SLC6A5: variants seen among roughly 807,000 people sequenced by gnomAD.
SLC6A5 encodes solute carrier family 6 member 5.
SLC6A5 carries 58 observed loss-of-function variants against 90.5 expected under a neutral mutation model. That is an observed-to-expected ratio of 0.64 (90% CI 0.52 to 0.80). SLC6A5 has a LOEUF of 0.80. Among genes scored for constraint, SLC6A5 ranks in the 30% least tolerant of loss-of-function variants. The pLI is 0.00. For synonymous variants in SLC6A5, 427 were observed against 401.4 expected, an observed-to-expected ratio of 1.06 and a Z score of -0.76; for missense variants, 1,015 against 1,017.6, an observed-to-expected ratio of 1.00 and a Z score of 0.03.
intron 13 of SLC6A5, among the ~76,000 whole-genome samples, chr11:20,643,326 C>T (rs529148270): frequency 6.6e-6 from 1 of 152,012 alleles, no homozygotes; most frequent in East Asian, 1.9e-4. Context: ...TATTCTCTCC[C>T]CTCACTTATG....
chr11:20,646,030 C>G (rs1049306250), intron 13 of SLC6A5, among the ~76,000 whole-genome samples: 2 of 152,182 alleles, frequency 1.3e-5, no homozygotes, highest in Admixed American at 1.3e-4. Context: ...CATTCAACAT[C>G]TTAATCCCAC....
At chr11:20,647,247 A>G (rs1268297886) in intron 14 of SLC6A5, among the ~76,000 whole-genome samples, 3 of 135,564 alleles carry the variant, frequency 2.2e-5, no homozygotes, top group Non-Finnish European at 4.8e-5. Flanking sequence ...ATTTATATAT[A>G]TATCAGTTCC....
Position 20,656,079 on chromosome 11 carries a change from T to A in SLC6A5, c.*1211T>A, listed in dbSNP as rs565553898. On this transcript the variant is annotated 3_prime_UTR_variant, in exon 16 of 16. Transcript: ENST00000525748. ...CATTTAGCCAATTCAATTTTAAGAGTTCCCTATTCACAGTACTCATTTTAA... is the reference window on the plus strand; with the variant it reads ...CATTTAGCCAATTCAATTTTAAGAGATCCCTATTCACAGTACTCATTTTAA... The A allele has an allele frequency of 9.2e-5, 14 of 152,186 alleles. No homozygotes were observed. Among genetic ancestry groups the A allele is most frequent in the Non-Finnish European group, 1.9e-4 (13 of 68,022 alleles). 9.4% of individuals were successfully genotyped at this position (152,186 alleles called of 1,614,324 possible).
At chr11:20,639,408 T>G (rs1465360151) in intron 13 of SLC6A5, among the ~76,000 whole-genome samples, 1 of 152,126 alleles carries the variant, frequency 6.6e-6, no homozygotes, top group Non-Finnish European at 1.5e-5. Flanking sequence ...CTAATTGCAC[T>G]TCAGATCCCA....
At chr11:20,600,408 GAAGA>G (rs1852446057) in intron 1 of SLC6A5, among the ~76,000 whole-genome samples, 1 of 137,958 alleles carries the variant, frequency 7.2e-6, no homozygotes, top group Non-Finnish European at 1.6e-5. Context: ...AGAAGAAGAA[GAAGA>G]CCTAAACAAA....
At chr11:20,650,580 C>A (rs55818301) in intron 14 of SLC6A5, among the ~76,000 whole-genome samples, 30,130 of 151,012 alleles carry the variant, frequency 0.2, 3,877 homozygotes, top group Non-Finnish European at 0.29. Flanking sequence ...GTCCCCTCAG[C>A]TAATTAGTGG....
At chr11:20,603,709 T>G (rs1295945121) in intron 2 of SLC6A5, among the ~76,000 whole-genome samples, 1 of 152,116 alleles carries the variant, frequency 6.6e-6, no homozygotes, top group African/African-American at 2.4e-5. Flanking sequence ...CAGGTTCTGG[T>G]TTGGTCAAGA....
chr11:20,600,386 AGAAGAAGAAGAAG>A (rs1344893990), intron 1 of SLC6A5, among the ~76,000 whole-genome samples: 22 of 149,658 alleles, frequency 1.5e-4, no homozygotes, highest in African/African-American at 5.5e-4. Context: ...AAGAAGAAGA[AGAAGAAGAAGAAG>A]AAGAAGAAGA....
rs535629810 is a variant in SLC6A5 at position 20,636,279 on chromosome 11, C to T, written c.1625-28C>T. On this transcript the variant is annotated intron_variant, in intron 10 of 15. Transcript: ENST00000525748. Reference sequence around the variant, plus strand: ...AAGAGCAGCCTTGAGTAGGGCCTGCCTGCAATCATCTGTCTTGTTCCTTCC... The same window carrying T: ...AAGAGCAGCCTTGAGTAGGGCCTGCTTGCAATCATCTGTCTTGTTCCTTCC... 21 of 1,425,920 alleles carry T rather than the reference C, an allele frequency of 1.5e-5. No individual in the cohort carries two copies. In the East Asian group the frequency reaches 4.3e-4, roughly 29 times the overall value. The allele number at this position is 1,425,920 out of a possible 1,614,324, so 88.3% of individuals were successfully genotyped here.
intron 5 of SLC6A5, among the ~76,000 whole-genome samples, chr11:20,613,229 T>C (rs768429106): frequency 1.3e-5 from 2 of 152,168 alleles, no homozygotes; most frequent in Non-Finnish European, 2.9e-5. Flanking sequence ...TACCTTCTCA[T>C]AGGGGGTGGT....
chr11:20,607,736 T>C (rs1199657510), intron 5 of SLC6A5, 84 bp downstream of exon 5: 1 of 1,045,442 alleles, frequency 9.6e-7, no homozygotes, highest in Non-Finnish European at 1.5e-6. Flanking sequence ...ATATTATGCA[T>C]GCTAGGACCT....
At chr11:20,617,644 G>T (rs1852806633) in intron 6 of SLC6A5, 108 bp from the exon 7 acceptor site, 3 of 935,974 alleles carry the variant, frequency 3.2e-6, no homozygotes, top group South Asian at 2.6e-5. Context: ...AGGATGCTGG[G>T]GTTTTGTGCA....
intron 6 of SLC6A5, 92 bp downstream of exon 6, chr11:20,614,912 C>A: frequency 8.0e-7 from 1 of 1,243,662 alleles, no homozygotes; most frequent in Non-Finnish European, 1.2e-6. Flanking sequence ...TGTGGGTAGC[C>A]CAAGGGATGA....
At chr11:20,628,146 T>C in intron 9 of SLC6A5, 63 bp downstream of exon 9, 3 of 1,287,096 alleles carry the variant, frequency 2.3e-6, no homozygotes, top group Non-Finnish European at 3.4e-6. Flanking sequence ...ATGGACTGAG[T>C]TATCAGACAC....
chr11:20,615,463 G>A (rs1477840085), intron 6 of SLC6A5, among the ~76,000 whole-genome samples: 1 of 152,094 alleles, frequency 6.6e-6, no homozygotes, highest in Non-Finnish European at 1.5e-5. Context: ...CTGCCTCTGG[G>A]TTCAAGTTAT....
intron 14 of SLC6A5, among the ~76,000 whole-genome samples, chr11:20,648,747 C>T (rs1853470322): frequency 6.6e-6 from 1 of 152,114 alleles, no homozygotes. Context: ...TTCTTCCCAC[C>T]CCAAAAGATA....
chr11:20,620,650 T>C (rs1368129563), intron 7 of SLC6A5, among the ~76,000 whole-genome samples: 2 of 152,166 alleles, frequency 1.3e-5, no homozygotes, highest in Non-Finnish European at 2.9e-5. Flanking sequence ...TAGAAGCACA[T>C]TGATTCCCAT....
At chr11:20,602,573 T>G (rs1852500644) in intron 2 of SLC6A5, among the ~76,000 whole-genome samples, 1 of 152,154 alleles carries the variant, frequency 6.6e-6, no homozygotes, top group Non-Finnish European at 1.5e-5. Flanking sequence ...CTATTTCCTC[T>G]CCTTTCCTGG....
Position 20,655,373 on chromosome 11 carries a change from A to T in SLC6A5, c.*505A>T, listed in dbSNP as rs1306900053. The T allele has an allele frequency of 1.5e-5, 3 of 202,070 alleles. No homozygotes were observed. Among genetic ancestry groups the T allele is most frequent in the African/African-American group, 7.0e-5 (3 of 42,894 alleles). 12.5% of individuals were successfully genotyped at this position (202,070 alleles called of 1,614,324 possible). A position where few individuals can be genotyped will look rare whatever the true frequency, so the allele number is the denominator to read the frequency against. On this transcript the variant is annotated 3_prime_UTR_variant, in exon 16 of 16. Coordinates refer to ENST00000525748, the MANE Select transcript of SLC6A5 (RefSeq NM_004211.5). ...TAGCAGTGGTCAGAAAATGTTTTGG[A>T]TGTAAGACAAGACCATTCAATTTGG...
Sources: allele counts gnomAD v4.1 joint callset (sites outside exome capture counted in the v4.1 genomes callset), GRCh38; gene constraint gnomAD v4.1.1; transcripts MANE v1.5; gene names NCBI Gene and HGNC (gene_info 2026-07-23, HGNC 2026-07-21).